The following HDLBP variants were observed in gnomAD, a reference collection of about 807,000 sequenced individuals.
The protein encoded by HDLBP is high density lipoprotein binding protein, also known as vigilin.
Under a neutral mutation model 137.3 loss-of-function variants are expected in HDLBP, and 30 were observed. The ratio of observed to expected loss-of-function variants is 0.22; its 90% CI spans 0.16 to 0.30. The LOEUF is 0.30. HDLBP is among the 10% of genes least tolerant of loss of function. The pLI, the probability that HDLBP is intolerant of heterozygous loss-of-function variation, is 1.00. For synonymous variants in HDLBP, 606 were observed against 596.0 expected, an observed-to-expected ratio of 1.02 and a Z score of -0.24; for missense variants, 1,119 against 1,667.3, an observed-to-expected ratio of 0.67 and a Z score of 5.73.
chr2:241,249,436 G>A, intron 12 of HDLBP: 1 of 480,062 alleles, frequency 2.1e-6, no homozygotes, highest in Non-Finnish European at 4.3e-6. Context: ...GCTTCTGCCA[G>A]GTGGTAGAGA....
At chr2:241,265,183 C>T (rs1055352986) in intron 3 of HDLBP, among the ~76,000 whole-genome samples, 2 of 152,214 alleles carry the variant, frequency 1.3e-5, no homozygotes, top group Non-Finnish European at 2.9e-5. Context: ...CTTTGGGAGG[C>T]CGAGGCAGGC....
intron 1 of HDLBP, among the ~76,000 whole-genome samples, chr2:241,301,329 C>G (rs1024774868): frequency 3.3e-5 from 5 of 151,874 alleles, no homozygotes; most frequent in Middle Eastern, 3.2e-3. Flanking sequence ...ACCACCTAAT[C>G]GTCTACTTAT....
rs1466133653 is a variant in HDLBP at position 241,238,455 on chromosome 2, C to T, written c.2749+194G>A. 3 of 439,712 alleles carry T rather than the reference C, an allele frequency of 6.8e-6. No homozygotes were observed. The highest frequency in any genetic ancestry group is 2.0e-5 in the African/African-American group (1 of 50,144). The allele number at this position is 439,712 out of a possible 1,614,324, so 27.2% of individuals were successfully genotyped here. Reference sequence around the variant, plus strand: ...CTAGGACCTATGAAGGTCACCTGGTCACTCTGTCAGTAACTGACGTGGTCC... The same window carrying T: ...CTAGGACCTATGAAGGTCACCTGGTTACTCTGTCAGTAACTGACGTGGTCC... On this transcript the variant is annotated intron_variant, in intron 20 of 27. Transcript: ENST00000310931. The surrounding 1 kb of genome is among the most constrained non-coding windows in gnomAD (Gnocchi z 4.9).
At chr2:241,252,894 C>G in intron 11 of HDLBP, 63 bp downstream of exon 11, 2 of 1,128,500 alleles carry the variant, frequency 1.8e-6, no homozygotes, top group South Asian at 1.3e-5. Flanking sequence ...GTTCTCACAG[C>G]TGACACCCCC....
rs761553664 is a variant in HDLBP, at chr2:241,235,631, T to C, written c.2905-37A>G. 6 of 1,463,986 alleles carry C rather than the reference T, an allele frequency of 4.1e-6. No individual in the cohort carries two copies. The East Asian group carries it at 1.4e-4, about 33-fold the overall frequency. 90.7% of individuals were successfully genotyped at this position (1,463,986 alleles called of 1,614,324 possible). A position where few individuals can be genotyped will look rare whatever the true frequency, so the allele number is the denominator to read the frequency against. On this transcript the variant is annotated intron_variant, in intron 21 of 27. Transcript: ENST00000310931. Reference sequence around the variant, plus strand: ...ATGGTCATGGTTAGGCCGTGGGAGCTGAGAGCAGAGTGACGTTGTAAGCTC... The same window carrying C: ...ATGGTCATGGTTAGGCCGTGGGAGCCGAGAGCAGAGTGACGTTGTAAGCTC...
rs2071087006 is a variant in HDLBP at position 241,240,412 on chromosome 2, A to T, written c.2170-290T>A. On this transcript the variant is annotated intron_variant, in intron 17 of 27. Transcript: ENST00000310931. The surrounding 1 kb of genome is among the most constrained non-coding windows in gnomAD (Gnocchi z 5.5). ...TTACAAGCACTGACCAAACTTCTCC[A>T]AGCCATTTTTGATCTGCACAGGGGG... Among the ~76,000 whole-genome samples the T allele has an allele frequency of 1.3e-5, 2 of 151,604 alleles. No homozygotes were observed. The highest frequency in any genetic ancestry group is 4.1e-4 in the South Asian group (2 of 4,830).
At chr2:241,246,654 C>A in intron 16 of HDLBP, 98 bp downstream of exon 16, 2 of 1,202,736 alleles carry the variant, frequency 1.7e-6, no homozygotes, top group Non-Finnish European at 2.4e-6. Context: ...TCAGCCTGCG[C>A]TGGCCCAATG....
Position 241,246,845 on chromosome 2 carries a change from T to C in HDLBP, c.1857A>G (p.Ala619=), listed in dbSNP as rs1353506454. The C allele has an allele frequency of 1.5e-5, 24 of 1,614,066 alleles. No individual in the cohort carries two copies. Among genetic ancestry groups the C allele is most frequent in the African/African-American group, 1.3e-4 (10 of 74,928 alleles). The stretch of plus-strand genomic sequence containing the variant: ...TAATGGTCTCTGAATTGCTATTCTC[T>C]GCTGGAAGGTCGATTTTGGTGTTGC... ...EESNTKIDLP[A]ENSNSETIII... The change falls in exon 16 of 28, where the codon GCA becomes GCG. Residue 619 remains alanine (A), a synonymous_variant. Coordinates refer to ENST00000310931, the MANE Select transcript of HDLBP (RefSeq NM_005336.6).
intron 1 of HDLBP, among the ~76,000 whole-genome samples, chr2:241,299,445 A>G (rs2075309292): frequency 7.1e-6 from 1 of 139,902 alleles, no homozygotes; most frequent in Non-Finnish European, 1.5e-5. Context: ...ACTTGAACCC[A>G]GGAGGCAGAG....
chr2:241,286,816 T>C (rs2074829813), intron 1 of HDLBP, among the ~76,000 whole-genome samples: 1 of 152,146 alleles, frequency 6.6e-6, no homozygotes, highest in African/African-American at 2.4e-5. Flanking sequence ...CATGGTAGTA[T>C]GCACCTGTAG....
intron 5 of HDLBP, among the ~76,000 whole-genome samples, chr2:241,262,017 C>T (rs1344574320): frequency 1.3e-5 from 2 of 152,232 alleles, no homozygotes; most frequent in South Asian, 2.1e-4. Context: ...AGATTCTTTA[C>T]ATTTTTCTTG....
Position 241,272,255 on chromosome 2 carries a change from TGGGGGGAA to T in HDLBP, c.-102-3722_-102-3715del. On this transcript the variant is annotated intron_variant, in intron 1 of 27. Coordinates refer to ENST00000310931, the MANE Select transcript of HDLBP (RefSeq NM_005336.6). This position sits in a 1 kb window ranked among gnomAD's most constrained non-coding sequence, Gnocchi z 5.6. ...CCCAGACCCCCGCCCCGCCGCCACC[TGGGGGGAA>T]GGACCCCGCTGGCCTCCCAGGGACC... The T allele has an allele frequency of 1.0e-6, 1 of 963,300 alleles. No homozygotes were observed. Among genetic ancestry groups the T allele is most frequent in the Non-Finnish European group, 1.2e-6 (1 of 810,748 alleles). 59.7% of individuals were successfully genotyped at this position (963,300 alleles called of 1,614,324 possible).
At chr2:241,250,104 GATGCTTAGC>G in intron 11 of HDLBP, 124 bp from the exon 12 acceptor site, 1 of 955,038 alleles carries the variant, frequency 1.0e-6, no homozygotes, top group Non-Finnish European at 1.5e-6. Context: ...CACCAAAAAC[GATGCTTAGC>G]TTCCCAAACA....
chr2:241,287,743 T>C (rs1037016957), intron 1 of HDLBP, among the ~76,000 whole-genome samples: 11 of 152,192 alleles, frequency 7.2e-5, no homozygotes, highest in South Asian at 4.1e-4. Context: ...GTTACGTTGA[T>C]ATGTAACCAG....
chr2:241,239,653 C>A lies in HDLBP; in HGVS notation c.2559G>T (p.Lys853Asn). The change falls in exon 19 of 28, where the codon AAG (lysine) becomes AAT (asparagine). Residue 853 changes from lysine to asparagine, a missense_variant. Physicochemically the swap from Lys to Asn is moderately conservative, Grantham distance 94 (BLOSUM62 0). Coordinates refer to ENST00000310931, the MANE Select transcript of HDLBP (RefSeq NM_005336.6). This position sits in a 1 kb window ranked among gnomAD's most constrained non-coding sequence, Gnocchi z 4.6. ...GTTTCTTGGCTGCCTCCACACAGTC[C>A]TTGGCGCCCTTGAGGGTGACTTTGT... ...QSDKVTLKGA[K>N]DCVEAAKKRI... 6.2e-7 allele frequency: 1 copy of A among 1,614,228 alleles called. No homozygotes were observed. Among genetic ancestry groups the A allele is most frequent in the East Asian group, 2.2e-5 (1 of 44,888 alleles).
chr2:241,274,272 G>C (rs553683878), intron 1 of HDLBP, among the ~76,000 whole-genome samples: 6 of 152,308 alleles, frequency 3.9e-5, no homozygotes, highest in East Asian at 3.9e-4. Flanking sequence ...GAGGGGAGCA[G>C]AATCACAGAA....
At chr2:241,294,770 A>C (rs141758521) in intron 1 of HDLBP, among the ~76,000 whole-genome samples, 3 of 152,250 alleles carry the variant, frequency 2.0e-5, no homozygotes, top group Non-Finnish European at 2.9e-5. Context: ...CTAGGGATAC[A>C]GTTTTAAAAT....
chr2:241,235,015 G>A (rs2070231185), intron 23 of HDLBP, 106 bp downstream of exon 23: 2 of 1,386,930 alleles, frequency 1.4e-6, no homozygotes, highest in Non-Finnish European at 2.0e-6. Flanking sequence ...CCTCCAGCCA[G>A]ATGTCGCTGG....
At chr2:241,280,315 T>C (rs2074546153) in intron 1 of HDLBP, among the ~76,000 whole-genome samples, 1 of 152,206 alleles carries the variant, frequency 6.6e-6, no homozygotes, top group Non-Finnish European at 1.5e-5. Flanking sequence ...AGGAACAACT[T>C]TTCTTTGGCT....
Sources: allele counts gnomAD v4.1 joint callset (sites outside exome capture counted in the v4.1 genomes callset), GRCh38; gene constraint gnomAD v4.1.1; non-coding constraint Gnocchi (gnomAD v3.1); transcripts MANE v1.5; gene names NCBI Gene and HGNC (gene_info 2026-07-23, HGNC 2026-07-21).